Variants in MAML3 observed in about 807,000 individuals in gnomAD.
MAML3 encodes the protein mastermind like transcriptional coactivator 3.
A neutral mutation model predicts 101.9 loss-of-function variants in MAML3; 27 were observed. That is an observed-to-expected ratio of 0.27 (90% CI 0.20 to 0.37). The LOEUF (loss-of-function observed/expected upper bound fraction) is 0.37. Ranked by LOEUF, MAML3 falls within the 10% of genes least tolerant of loss-of-function variation. The pLI is 1.00. For missense variants in MAML3, 1,316 were observed against 1,444.9 expected, an observed-to-expected ratio of 0.91 and a Z score of 1.45; for synonymous variants, 501 against 555.9, an observed-to-expected ratio of 0.90 and a Z score of 1.39.
chr4:140,120,154 G>A (rs1037025853), intron 1 of MAML3, among the ~76,000 whole-genome samples: 2 of 151,454 alleles, frequency 1.3e-5, no homozygotes, highest in Non-Finnish European at 2.9e-5. Context: ...GGAGAATGGC[G>A]TGAACCCGGG....
intron 2 of MAML3, among the ~76,000 whole-genome samples, chr4:139,823,024 T>C (rs1398474331): frequency 2.0e-5 from 3 of 152,156 alleles, no homozygotes; most frequent in Admixed American, 2.0e-4. Context: ...ACACATAGCT[T>C]TAAGATGAAT....
chr4:139,739,918 G>C (rs1024890277), intron 2 of MAML3, among the ~76,000 whole-genome samples: 2 of 152,054 alleles, frequency 1.3e-5, no homozygotes, highest in African/African-American at 4.8e-5. Context: ...GAGTTCAAGA[G>C]GGGCCCAGGT....
At chr4:140,137,338 C>CA (rs1728908555) in intron 1 of MAML3, among the ~76,000 whole-genome samples, 1 of 152,146 alleles carries the variant, frequency 6.6e-6, no homozygotes, top group South Asian at 2.1e-4. Context: ...TTCAAAAAGT[C>CA]ACAAAAGTAG....
chr4:140,067,726 CT>C (rs34853196), intron 1 of MAML3, among the ~76,000 whole-genome samples: 9,015 of 131,324 alleles, frequency 0.069, 155 homozygotes, highest in South Asian at 0.11. Flanking sequence ...CAATCTTAAT[CT>C]TTTTTTTTTT....
At chr4:139,968,530 A>G (rs1734180336) in intron 1 of MAML3, among the ~76,000 whole-genome samples, 2 of 152,098 alleles carry the variant, frequency 1.3e-5, no homozygotes, top group African/African-American at 4.8e-5. Context: ...TTACAGTAAT[A>G]AGTTTGATGA....
At position 139,730,476 on chromosome 4, in the gene MAML3, C is replaced by T; in HGVS notation, c.2271G>A (p.Gln757=). The change falls in exon 3 of 5, where the codon CAG becomes CAA. Residue 757 remains glutamine (Q), a synonymous_variant. Transcript: ENST00000509479. ...GCTGCTGCCTTTGCTCCCGCAGGAA[C>T]TGTTGCTTCTGCTGCTCTATCAACT... ...RAQLIEQQKQ[Q]FLREQRQQQQ... 1 of 1,552,988 alleles carries T rather than the reference C, an allele frequency of 6.4e-7. No individual in the cohort carries two copies. Among genetic ancestry groups the T allele is most frequent in the Non-Finnish European group, 8.7e-7 (1 of 1,147,732 alleles).
intron 1 of MAML3, among the ~76,000 whole-genome samples, chr4:140,088,582 T>C (rs1468815846): frequency 1.3e-5 from 2 of 152,174 alleles, no homozygotes; most frequent in African/African-American, 2.4e-5. Context: ...ACAGAGGAAC[T>C]TCCTATAGTA....
At chr4:139,874,938 G>C (rs1353857579) in intron 2 of MAML3, among the ~76,000 whole-genome samples, 2 of 151,850 alleles carry the variant, frequency 1.3e-5, no homozygotes, top group Non-Finnish European at 2.9e-5. Flanking sequence ...CGAGTAGCTG[G>C]AATTACAGGC....
intron 2 of MAML3, among the ~76,000 whole-genome samples, chr4:139,855,592 G>A (rs1731644213): frequency 6.6e-6 from 1 of 152,184 alleles, no homozygotes; most frequent in Admixed American, 6.5e-5. Context: ...TTTATAAGGA[G>A]TGAAAAATAT....
intron 2 of MAML3, among the ~76,000 whole-genome samples, chr4:139,763,036 A>G (rs576925635): frequency 3.3e-4 from 51 of 152,274 alleles, no homozygotes; most frequent in African/African-American, 1.2e-3. Flanking sequence ...TTAAAGGGAA[A>G]CTGACCAGTG....
intron 2 of MAML3, among the ~76,000 whole-genome samples, chr4:139,834,245 C>T (rs542054265): frequency 5.3e-5 from 8 of 152,242 alleles, no homozygotes; most frequent in Non-Finnish European, 8.8e-5. Flanking sequence ...ATACTAGACA[C>T]AACTGATGAT....
At chr4:140,127,951 T>C (rs1728709872) in intron 1 of MAML3, 1 of 152,236 alleles carries the variant, frequency 6.6e-6, no homozygotes, top group Non-Finnish European at 1.5e-5. Flanking sequence ...AAGGTCAAAG[T>C]GACCTATTGT....
chr4:139,811,823 C>A (rs958742968), intron 2 of MAML3, among the ~76,000 whole-genome samples: 6 of 152,156 alleles, frequency 3.9e-5, no homozygotes, highest in African/African-American at 1.4e-4. Context: ...AGAGAGGAGA[C>A]AAAAACATAT....
Position 140,152,583 on chromosome 4 carries a change from C to T in MAML3, c.468+277G>A, listed in dbSNP as rs531057451. Among the ~76,000 whole-genome samples the T allele has an allele frequency of 3.3e-5, 5 of 151,964 alleles. No individual in the cohort carries two copies. In the East Asian group the frequency reaches 9.8e-4, roughly 30 times the overall value. ...GGGAAACTTTTCCAGCACCTCACTC[C>T]GACGCTCCTCTAGGCTCCCTCCGCC... On this transcript the variant is annotated intron_variant, in intron 1 of 4. Transcript: ENST00000509479.
chr4:140,109,471 C>T (rs1728405065), intron 1 of MAML3, among the ~76,000 whole-genome samples: 1 of 152,160 alleles, frequency 6.6e-6, no homozygotes. Context: ...GTCTCCTTGC[C>T]TCCTCTGAAG....
intron 2 of MAML3, among the ~76,000 whole-genome samples, chr4:139,758,699 G>A (rs1237914306): frequency 6.6e-6 from 1 of 152,182 alleles, no homozygotes; most frequent in South Asian, 2.1e-4. Flanking sequence ...AGCAACAACT[G>A]TCTCAGAATT....
intron 1 of MAML3, among the ~76,000 whole-genome samples, chr4:140,082,633 T>C (rs1578675657): frequency 6.6e-6 from 1 of 152,140 alleles, no homozygotes; most frequent in African/African-American, 2.4e-5. Flanking sequence ...CCATCTCTAT[T>C]GCTGTCAGGA....
chr4:139,821,451 G>A (rs1177146899), intron 2 of MAML3, among the ~76,000 whole-genome samples: 1 of 152,194 alleles, frequency 6.6e-6, no homozygotes, highest in South Asian at 2.1e-4. Context: ...ATGATCTGAG[G>A]TGGAAGAGCT....
intron 1 of MAML3, among the ~76,000 whole-genome samples, chr4:140,085,869 T>A (rs1447295894): frequency 6.6e-6 from 1 of 152,218 alleles, no homozygotes; most frequent in African/African-American, 2.4e-5. Context: ...CGTCGTTTTT[T>A]AATTATTTTA....
Sources: gnomAD v4.1 joint callset for allele counts (sites outside exome capture counted in the v4.1 genomes callset) on GRCh38, gnomAD v4.1.1 for gene constraint, MANE v1.5 for transcripts, NCBI Gene and HGNC (gene_info 2026-07-23, HGNC 2026-07-21) for gene names.